The following NOS3 variants were observed in gnomAD, a reference collection of about 807,000 sequenced individuals.
NOS3 encodes the protein NOS type III.
Under a neutral mutation model 144.9 loss-of-function variants are expected in NOS3, and 98 were observed. That is an observed-to-expected ratio of 0.68 (90% CI 0.57 to 0.80). The LOEUF (loss-of-function observed/expected upper bound fraction) is 0.80. Among genes scored for constraint, NOS3 ranks in the 30% least tolerant of loss-of-function variants. NOS3 has a pLI of 0.00. For synonymous variants in NOS3, 714 were observed against 702.4 expected (o/e 1.02, Z -0.26); for missense variants, 1,465 against 1,656.4 (o/e 0.88, Z 2.01).
chr7:151,012,660 C>T (rs1303582959), intron 24 of NOS3, 188 bp downstream of exon 24: 4 of 591,492 alleles, frequency 6.8e-6, no homozygotes, highest in Admixed American at 3.0e-5. Context: ...CTTCTGGCTT[C>T]CTGGTGCCTG....
chr7:151,014,405 G>A lies in NOS3; in HGVS notation c.*236G>A. 5.9e-6 allele frequency: 3 copies of A among 508,640 alleles called. No homozygotes were observed. The highest frequency in any genetic ancestry group is 1.0e-5 in the Non-Finnish European group (3 of 288,820). The allele number at this position is 508,640 out of a possible 1,614,324, so 31.5% of individuals were successfully genotyped here. On this transcript the variant is annotated 3_prime_UTR_variant, in exon 27 of 27. Coordinates refer to ENST00000297494, the MANE Select transcript of NOS3 (RefSeq NM_000603.5). ...ATCTGGAAGGCCCCTCCCAGCAGCG[G>A]TACCCCAGGGCCTACTGCCACCCGC...
At chr7:151,006,746 A>T in intron 15 of NOS3, 143 bp from the exon 16 acceptor site, 1 of 745,252 alleles carries the variant, frequency 1.3e-6, no homozygotes, top group Non-Finnish European at 2.3e-6. Flanking sequence ...AACCCCAGGG[A>T]TGCTGGCCCT....
rs1795215999 is a variant in NOS3, at chr7:151,007,018, C to A, written c.1937+13C>A. 2 of 1,613,392 alleles carry A rather than the reference C, an allele frequency of 1.2e-6. No individual in the cohort carries two copies. The highest frequency in any genetic ancestry group is 2.7e-5 in the African/African-American group (2 of 74,898). On this transcript the variant is annotated intron_variant, in intron 16 of 26. Coordinates refer to ENST00000297494, the MANE Select transcript of NOS3 (RefSeq NM_000603.5). ...TGGGCACCCTCAGGTCAGGGCCTCA[C>A]CAAGAGGGGTGCAACGGGTGGGCAA...
At chr7:150,997,620 AG>A (rs1335888490) in intron 5 of NOS3, among the ~76,000 whole-genome samples, 1 of 152,230 alleles carries the variant, frequency 6.6e-6, no homozygotes, top group Non-Finnish European at 1.5e-5. Context: ...TGGCCGCCAA[AG>A]AGTTTGAAAT....
chr7:150,997,445 C>T (rs1477770180), intron 5 of NOS3, among the ~76,000 whole-genome samples: 1 of 152,154 alleles, frequency 6.6e-6, no homozygotes, highest in Non-Finnish European at 1.5e-5. Context: ...CCCACACCCA[C>T]TGCTACCCCA....
chr7:151,014,251 C>G lies in NOS3; in HGVS notation c.*82C>G. 7.2e-7 allele frequency: 1 copy of G among 1,389,486 alleles called. No homozygotes were observed. Among genetic ancestry groups the G allele is most frequent in the South Asian group, 1.3e-5 (1 of 75,126 alleles). 86.1% of individuals were successfully genotyped at this position (1,389,486 alleles called of 1,614,324 possible). The stretch of plus-strand genomic sequence containing the variant: ...CCCGACCAGGATCAGCCCCGCTCCT[C>G]CCCTCTTGAGGTGGTGCCTTCTCAC... On this transcript the variant is annotated 3_prime_UTR_variant, in exon 27 of 27. Coordinates refer to ENST00000297494, the MANE Select transcript of NOS3 (RefSeq NM_000603.5).
chr7:150,991,650 G>A (rs142632585), intron 1 of NOS3, among the ~76,000 whole-genome samples: 142 of 152,272 alleles, frequency 9.3e-4, no homozygotes, highest in Admixed American at 1.6e-3. Flanking sequence ...GGACTGGAAG[G>A]CCTGGGAGGG....
intron 9 of NOS3, 112 bp downstream of exon 9, chr7:150,999,476 G>A (rs2117112437): frequency 8.3e-7 from 1 of 1,211,362 alleles, no homozygotes; most frequent in East Asian, 2.4e-5. Context: ...CAGGTCCAGG[G>A]TTGCCTCCTA....
rs1243907213 is a variant in NOS3, at chr7:151,013,924, G to C, written c.3450+6G>C. On this transcript the variant is annotated splice_donor_region_variant and intron_variant, in intron 26 of 26. Coordinates refer to ENST00000297494, the MANE Select transcript of NOS3 (RefSeq NM_000603.5). Reference sequence around the variant, plus strand: ...ACGTCATCGGCGTGCTGCGGGTGCGGAGGGGCGGGCCGGGCCTGAGCGTGC... The same window carrying C: ...ACGTCATCGGCGTGCTGCGGGTGCGCAGGGGCGGGCCGGGCCTGAGCGTGC... 1 of 1,599,126 alleles carries C rather than the reference G, an allele frequency of 6.3e-7. No homozygotes were observed. The highest frequency in any genetic ancestry group is 1.1e-5 in the South Asian group (1 of 89,456).
intron 17 of NOS3, 125 bp from the exon 18 acceptor site, chr7:151,008,805 C>A: frequency 8.9e-7 from 1 of 1,126,368 alleles, no homozygotes; most frequent in Non-Finnish European, 1.2e-6. Context: ...CTGTCCTTGG[C>A]GCCGGCCTCA....
chr7:151,009,344 TC>T, intron 19 of NOS3, 53 bp from the exon 20 acceptor site: 1 of 903,550 alleles, frequency 1.1e-6, no homozygotes, highest in Non-Finnish European at 1.7e-6. Context: ...TCCCACATTC[TC>T]CCGCCCCCAC....
intron 2 of NOS3, among the ~76,000 whole-genome samples, chr7:150,994,800 G>C (rs971484227): frequency 6.6e-6 from 1 of 152,200 alleles, no homozygotes; most frequent in Non-Finnish European, 1.5e-5. Context: ...GTCAGGAGGG[G>C]TTGTGAGTGC....
chr7:151,012,552 T>C (rs781781008), intron 24 of NOS3, 80 bp downstream of exon 24: 2 of 1,501,740 alleles, frequency 1.3e-6, no homozygotes, highest in Non-Finnish European at 1.8e-6. Flanking sequence ...AGGCAGGAAA[T>C]AGGAAAGAGA....
intron 9 of NOS3, 63 bp from the exon 10 acceptor site, chr7:151,000,435 C>A (rs978929412): frequency 1.9e-6 from 2 of 1,034,020 alleles, no homozygotes; most frequent in African/African-American, 1.6e-5. Context: ...CAGAGATAGT[C>A]TCCCCACCCC....
intron 14 of NOS3, among the ~76,000 whole-genome samples, chr7:151,005,726 G>A (rs1028526066): frequency 1.3e-5 from 2 of 152,238 alleles, no homozygotes; most frequent in Non-Finnish European, 1.5e-5. Flanking sequence ...AGACCACCGA[G>A]CTGCCCTTCA....
At chr7:151,006,827 G>A in intron 15 of NOS3, 62 bp from the exon 16 acceptor site, 1 of 1,338,800 alleles carries the variant, frequency 7.5e-7, no homozygotes, top group Admixed American at 1.7e-5. Context: ...TGGGGCTGGG[G>A]CTGGGCCTAG....
At position 151,003,707 on chromosome 7, in the gene NOS3, C is replaced by G. The variant is rs1464120825; in HGVS notation, c.1752+1403C>G. ...TCACCACAGAATAGTTTCGCCTGCT[C>G]TAGAACGGCACCTAGATGGAAGCAC... On this transcript the variant is annotated intron_variant, in intron 14 of 26. Coordinates refer to ENST00000297494, the MANE Select transcript of NOS3 (RefSeq NM_000603.5). This position sits in a 1 kb window ranked among gnomAD's most constrained non-coding sequence, Gnocchi z 4.1. The G allele has an allele frequency of 5.6e-6, 3 of 539,518 alleles. No individual in the cohort carries two copies. The highest frequency in any genetic ancestry group is 1.0e-5 in the Non-Finnish European group (3 of 289,128). The allele number at this position is 539,518 out of a possible 1,614,324, so 33.4% of individuals were successfully genotyped here.
In NOS3 at chr7:151,013,790, CG is replaced by C. The variant is rs775390177; in HGVS notation, c.3326del (p.Gly1109AlafsTer61). ...AEVHRVLCLE[R>X]GHMFVCGDVT... ...GGTGCACCGCGTGCTGTGCCTCGAG[CG>C]GGGCCACATGTTTGTCTGCGGCGAT... On this transcript the variant is annotated frameshift_variant, in exon 26 of 27. Coordinates refer to ENST00000297494, the MANE Select transcript of NOS3 (RefSeq NM_000603.5). LOFTEE classifies it high-confidence loss of function. The C allele has an allele frequency of 1.2e-6, 2 of 1,611,178 alleles. No homozygotes were observed. Among genetic ancestry groups the C allele is most frequent in the Non-Finnish European group, 1.7e-6 (2 of 1,179,220 alleles).
intron 26 of NOS3, 41 bp downstream of exon 26, chr7:151,013,959 G>A: frequency 6.2e-7 from 1 of 1,605,526 alleles, no homozygotes. Context: ...CGGGGTTCCT[G>A]CTAAGGTCTC....
Sources: gnomAD v4.1 joint callset for allele counts (sites outside exome capture counted in the v4.1 genomes callset) on GRCh38, gnomAD v4.1.1 for gene constraint, Gnocchi (gnomAD v3.1) non-coding constraint, MANE v1.5 for transcripts, NCBI Gene and HGNC (gene_info 2026-07-23, HGNC 2026-07-21) for gene names.